The following TNFRSF19 variants were observed in gnomAD, a reference collection of about 807,000 sequenced individuals.
The protein encoded by TNFRSF19 is TNF receptor superfamily member 19, also known as tumor necrosis factor receptor superfamily member 19.
Under a neutral mutation model 46.4 loss-of-function variants are expected in TNFRSF19, and 27 were observed. The observed-to-expected ratio is 0.58, with a 90% CI of 0.43 to 0.80. The LOEUF (loss-of-function observed/expected upper bound fraction) is 0.80. Among genes scored for constraint, TNFRSF19 ranks in the 30% least tolerant of loss-of-function variants. The pLI, the probability that TNFRSF19 is intolerant of heterozygous loss-of-function variation, is 0.00. For synonymous variants in TNFRSF19, 204 were observed against 205.0 expected (o/e 1.00, Z 0.04); for missense variants, 511 against 530.8 (o/e 0.96, Z 0.37).
chr13:23,645,579 T>C (rs977500885), intron 5 of TNFRSF19, among the ~76,000 whole-genome samples: 2 of 152,214 alleles, frequency 1.3e-5, no homozygotes, highest in African/African-American at 2.4e-5. Flanking sequence ...TCTTGAAATA[T>C]GTTTTTTTAT....
chr13:23,587,200 A>C (rs1878908007), intron 1 of TNFRSF19, among the ~76,000 whole-genome samples: 1 of 152,210 alleles, frequency 6.6e-6, no homozygotes, highest in South Asian at 2.1e-4. Context: ...TTTAATAAAT[A>C]ACCTTTTGAT....
At chr13:23,617,342 G>A (rs1566188191) in intron 4 of TNFRSF19, among the ~76,000 whole-genome samples, 1 of 152,130 alleles carries the variant, frequency 6.6e-6, no homozygotes, top group Non-Finnish European at 1.5e-5. Flanking sequence ...GAAAGGAGAG[G>A]GACCACACCT....
At chr13:23,667,713 A>G (rs113515125) in intron 7 of TNFRSF19, among the ~76,000 whole-genome samples, 6 of 151,984 alleles carry the variant, frequency 3.9e-5, no homozygotes, top group African/African-American at 1.2e-4. Context: ...TCTCCATTAA[A>G]CAGCAGCTCC....
At chr13:23,607,083 A>T (rs1880558738) in intron 3 of TNFRSF19, among the ~76,000 whole-genome samples, 1 of 151,852 alleles carries the variant, frequency 6.6e-6, no homozygotes. Flanking sequence ...TAAGCTTTAA[A>T]TTTTTTTTCA....
At position 23,593,414 on chromosome 13, in the gene TNFRSF19, G is replaced by GT. The variant is rs1879461069; in HGVS notation, c.141dup (p.Pro48SerfsTer13). On this transcript the variant is annotated frameshift_variant, in exon 3 of 10. Transcript: ENST00000248484. LOFTEE classifies it high-confidence loss of function. ...ATTCAGGGATCGGTCTGGAAACTGT[G>GT]TTCCCTGCAACCAGTGTGGGCCAGG... 6.2e-7 allele frequency: 1 copy of GT among 1,603,162 alleles called. No individual in the cohort carries two copies. The highest frequency in any genetic ancestry group is 1.8e-5 in the Admixed American group (1 of 56,686).
rs1951801202 is a variant in TNFRSF19 at position 23,674,550 on chromosome 13, G to A, written c.*1170G>A. The A allele has an allele frequency of 6.6e-6, 1 of 151,700 alleles. No individual in the cohort carries two copies. Among genetic ancestry groups the A allele is most frequent in the Non-Finnish European group, 1.5e-5 (1 of 67,878 alleles). 9.4% of individuals were successfully genotyped at this position (151,700 alleles called of 1,614,324 possible). On this transcript the variant is annotated 3_prime_UTR_variant, in exon 10 of 10. Coordinates refer to ENST00000248484, the MANE Select transcript of TNFRSF19 (RefSeq NM_148957.4). ...GGACGGTGCTTCTTTCTATTAAAGT[G>A]CTCCATCCCCTACCATCTACACATT...
intron 9 of TNFRSF19, chr13:23,669,640 A>G (rs965641513): frequency 1.0e-6 from 1 of 985,296 alleles, no homozygotes; most frequent in Admixed American, 6.2e-5. Flanking sequence ...ACCTGAGACC[A>G]GGTCATAAGA....
chr13:23,652,414 A>G (rs1009008919), intron 5 of TNFRSF19, among the ~76,000 whole-genome samples: 5 of 152,216 alleles, frequency 3.3e-5, no homozygotes, highest in African/African-American at 1.2e-4. Context: ...TAAATCAGTC[A>G]TCATTTTATA....
At chr13:23,666,550 T>G (rs1951636656) in intron 7 of TNFRSF19, among the ~76,000 whole-genome samples, 1 of 152,264 alleles carries the variant, frequency 6.6e-6, no homozygotes, top group Non-Finnish European at 1.5e-5. Context: ...CTGGCTCATG[T>G]GCCATTTTGA....
At chr13:23,615,457 A>G (rs1003810174) in intron 3 of TNFRSF19, among the ~76,000 whole-genome samples, 1 of 152,214 alleles carries the variant, frequency 6.6e-6, no homozygotes, top group South Asian at 2.1e-4. Flanking sequence ...ATTTTTGAAA[A>G]TAACACCCCT....
chr13:23,632,369 A>T (rs1882409441), intron 5 of TNFRSF19, among the ~76,000 whole-genome samples: 2 of 152,222 alleles, frequency 1.3e-5, no homozygotes, highest in Admixed American at 1.3e-4. Context: ...CTTTACTGCC[A>T]AACAGAACTT....
chr13:23,581,127 C>CTTTTTTTTTTTTTTT (rs1226042943), intron 1 of TNFRSF19, among the ~76,000 whole-genome samples: 1 of 123,246 alleles, frequency 8.1e-6, no homozygotes, highest in African/African-American at 2.9e-5. Flanking sequence ...TTCTTTTTTT[C>CTTTTTTTTTTTTTTT]TTTTCTTTTT....
chr13:23,615,201 G>A (rs998929759), intron 3 of TNFRSF19, among the ~76,000 whole-genome samples: 2 of 152,106 alleles, frequency 1.3e-5, no homozygotes, highest in Non-Finnish European at 1.5e-5. Flanking sequence ...ATTGTATGTG[G>A]GTCAGAGAGC....
chr13:23,634,334 C>T (rs1035934078), intron 5 of TNFRSF19, among the ~76,000 whole-genome samples: 1 of 152,190 alleles, frequency 6.6e-6, no homozygotes, highest in East Asian at 1.9e-4. Context: ...TTGATTATTA[C>T]CCAGTCACCA....
intron 3 of TNFRSF19, among the ~76,000 whole-genome samples, chr13:23,602,457 G>T (rs1880226010): frequency 6.6e-6 from 1 of 152,108 alleles, no homozygotes. Flanking sequence ...GACAGATTCA[G>T]CAGGCAGAAA....
At chr13:23,594,163 A>C (rs1159873427) in intron 3 of TNFRSF19, 3 of 431,314 alleles carry the variant, frequency 7.0e-6, no homozygotes, top group Non-Finnish European at 1.4e-5. Context: ...TTTTAAGCAC[A>C]AAACTGGGCA....
At chr13:23,582,666 C>T (rs1020186643) in intron 1 of TNFRSF19, among the ~76,000 whole-genome samples, 1 of 152,182 alleles carries the variant, frequency 6.6e-6, no homozygotes, top group African/African-American at 2.4e-5. Flanking sequence ...ACACATAAAA[C>T]ACACCCAAAA....
At chr13:23,575,109 G>A (rs1275345159) in intron 1 of TNFRSF19, among the ~76,000 whole-genome samples, 1 of 152,210 alleles carries the variant, frequency 6.6e-6, no homozygotes, top group African/African-American at 2.4e-5. Flanking sequence ...CTGCTGCCCA[G>A]CCAGCCTGGC....
chr13:23,635,639 A>G (rs1161014467), intron 5 of TNFRSF19, among the ~76,000 whole-genome samples: 24 of 152,178 alleles, frequency 1.6e-4, no homozygotes, highest in Non-Finnish European at 5.9e-5. Context: ...TTGGCCTCCC[A>G]AAGTGCTGGG....
Sources: allele counts gnomAD v4.1 joint callset (sites outside exome capture counted in the v4.1 genomes callset), GRCh38; gene constraint gnomAD v4.1.1; transcripts MANE v1.5; gene names NCBI Gene and HGNC (gene_info 2026-07-23, HGNC 2026-07-21).